DRC8: variants seen among roughly 807,000 people sequenced by gnomAD.
DRC8 encodes dynein regulatory complex subunit 8, also known as dynein regulatory complex protein 8.
chr1:244,970,033 G>A, the DRC8 span: 2 of 604,576 alleles, frequency 3.3e-6, no homozygotes, highest in Non-Finnish European at 5.9e-6. Flanking sequence ...CAGGACAGGA[G>A]GGGGCGAGGG....
At chr1:245,113,876 A>G in the DRC8 span, among the ~76,000 whole-genome samples, 1 of 152,048 alleles carries the variant, frequency 6.6e-6, no homozygotes, top group African/African-American at 2.4e-5. Context: ...GGTACTAGCA[A>G]GTGATGACGT....
chr1:245,081,162 T>C, the DRC8 span, among the ~76,000 whole-genome samples: 1 of 149,902 alleles, frequency 6.7e-6, no homozygotes, highest in Non-Finnish European at 1.5e-5. Flanking sequence ...TTTATTTATC[T>C]ATATATATAT....
chr1:245,086,963 G>T, the DRC8 span: 4 of 532,152 alleles, frequency 7.5e-6, no homozygotes, highest in Admixed American at 2.6e-5. Context: ...TGTTCATGAT[G>T]TCTGTATGTC....
the DRC8 span, among the ~76,000 whole-genome samples, chr1:244,983,276 T>C: frequency 3.8e-4 from 58 of 152,328 alleles, no homozygotes; most frequent in African/African-American, 1.3e-3. Flanking sequence ...CAGATTTGTA[T>C]TTTGTTTTGT....
chr1:245,085,911 C>T, the DRC8 span, among the ~76,000 whole-genome samples: 128 of 152,244 alleles, frequency 8.4e-4, 2 homozygotes, highest in East Asian at 0.023. Flanking sequence ...AGAGTGTAGG[C>T]GACAAAGCTG....
the DRC8 span, among the ~76,000 whole-genome samples, chr1:245,101,992 G>A: frequency 6.6e-6 from 1 of 152,138 alleles, no homozygotes; most frequent in African/African-American, 2.4e-5. Flanking sequence ...GCCAACAGTG[G>A]GTTTTTGCTA....
At chr1:244,984,552 AGGCTATGTGTGGT>A in the DRC8 span, among the ~76,000 whole-genome samples, 1 of 152,142 alleles carries the variant, frequency 6.6e-6, no homozygotes, top group Non-Finnish European at 1.5e-5. Context: ...TACTGAAAAT[AGGCTATGTGTGGT>A]GGCTCACACC....
the DRC8 span, chr1:244,970,618 T>C: frequency 1.8e-6 from 1 of 563,980 alleles, no homozygotes; most frequent in Non-Finnish European, 2.6e-6. Context: ...CCCGTCCCCG[T>C]AGCCCGCCCG....
At chr1:245,014,791 C>A in the DRC8 span, among the ~76,000 whole-genome samples, 5 of 152,018 alleles carry the variant, frequency 3.3e-5, no homozygotes, top group African/African-American at 1.2e-4. Context: ...GCTTTGGTTT[C>A]TTTTTTTCTC....
the DRC8 span, among the ~76,000 whole-genome samples, chr1:245,020,713 G>A: frequency 3.4e-5 from 5 of 148,422 alleles, no homozygotes; most frequent in South Asian, 6.5e-4. Flanking sequence ...TCCGCCTTCC[G>A]GGTTCAAGCA....
the DRC8 span, among the ~76,000 whole-genome samples, chr1:245,038,943 T>C: frequency 6.6e-6 from 1 of 151,320 alleles, no homozygotes; most frequent in African/African-American, 2.4e-5. Flanking sequence ...AAATCTTACA[T>C]TGTAAATGGC....
At chr1:245,017,203 C>G in the DRC8 span, 1 of 1,570,014 alleles carries the variant, frequency 6.4e-7, no homozygotes, top group Non-Finnish European at 8.6e-7. Context: ...GAATTCAAAG[C>G]TAAAGTAAAC....
At chr1:245,110,264 G>A in the DRC8 span, among the ~76,000 whole-genome samples, 1 of 152,146 alleles carries the variant, frequency 6.6e-6, no homozygotes, top group Non-Finnish European at 1.5e-5. Flanking sequence ...CACGCCTGTA[G>A]TCCCAGCTAC....
At chr1:245,077,145 T>C in the DRC8 span, among the ~76,000 whole-genome samples, 1 of 152,080 alleles carries the variant, frequency 6.6e-6, no homozygotes, top group Non-Finnish European at 1.5e-5. Flanking sequence ...ATGTTAGTTA[T>C]AATGTTTGCT....
At chr1:245,059,971 C>T in the DRC8 span, among the ~76,000 whole-genome samples, 1 of 152,144 alleles carries the variant, frequency 6.6e-6, no homozygotes, top group African/African-American at 2.4e-5. Flanking sequence ...GATGAGAGTG[C>T]TTCATGCTCT....
chr1:245,029,470 G>C, the DRC8 span, among the ~76,000 whole-genome samples: 1 of 151,970 alleles, frequency 6.6e-6, no homozygotes, highest in South Asian at 2.1e-4. Flanking sequence ...GCTAATTTTT[G>C]TGTTTTTAGT....
the DRC8 span, among the ~76,000 whole-genome samples, chr1:245,106,626 A>G: frequency 6.6e-6 from 1 of 152,204 alleles, no homozygotes; most frequent in Admixed American, 6.5e-5. Flanking sequence ...TCATTCATCG[A>G]TATGAACTGG....
the DRC8 span, among the ~76,000 whole-genome samples, chr1:245,084,038 T>G: frequency 7.0e-6 from 1 of 142,864 alleles, no homozygotes; most frequent in Admixed American, 7.0e-5. Context: ...GATTGAAGAT[T>G]TGAATAAAGA....
chr1:245,018,568 C>T, the DRC8 span, among the ~76,000 whole-genome samples: 4 of 152,100 alleles, frequency 2.6e-5, no homozygotes, highest in Non-Finnish European at 5.9e-5. Context: ...GTGCAGCAGG[C>T]AGCCCGGCCT....
Sources: allele counts gnomAD v4.1 joint callset (sites outside exome capture counted in the v4.1 genomes callset), GRCh38; gene constraint gnomAD v4.1.1; transcripts MANE v1.5; gene names NCBI Gene and HGNC (gene_info 2026-07-23, HGNC 2026-07-21).